Variants in RNF150 observed in about 807,000 individuals in gnomAD.
RNF150 encodes the protein ring finger protein 150.
In RNF150, 24 loss-of-function variants were observed where a neutral mutation model predicts 39.3. The ratio of observed to expected loss-of-function variants is 0.61; its 90% CI spans 0.44 to 0.86. The LOEUF (loss-of-function observed/expected upper bound fraction) is 0.86, where lower values mean the gene tolerates loss of function less well. Among genes scored for constraint, RNF150 ranks in the 40% least tolerant of loss-of-function variants. RNF150 has a pLI of 0.00. For missense variants in RNF150, 502 were observed against 587.8 expected (o/e 0.85, Z 1.51); for synonymous variants, 255 against 227.3 (o/e 1.12, Z -1.10).
At chr4:141,127,114 A>C (rs151037128) in intron 1 of RNF150, among the ~76,000 whole-genome samples, 120 of 152,136 alleles carry the variant, frequency 7.9e-4, no homozygotes, top group African/African-American at 2.8e-3. Flanking sequence ...AGCTCTAAGC[A>C]CAGACCAGCA....
chr4:140,900,635 C>T (rs375042457), intron 6 of RNF150, among the ~76,000 whole-genome samples: 5 of 152,236 alleles, frequency 3.3e-5, no homozygotes, highest in East Asian at 3.9e-4. Flanking sequence ...TCTCAGGCCT[C>T]GACACTACAT....
intron 1 of RNF150, chr4:141,212,721 C>G (rs1369058972): frequency 3.9e-5 from 6 of 152,420 alleles, no homozygotes; most frequent in Non-Finnish European, 2.9e-5. Flanking sequence ...CTGTTCTAGT[C>G]TGTTCTAACA....
At chr4:140,931,913 TTC>T (rs1174850575) in intron 4 of RNF150, among the ~76,000 whole-genome samples, 6 of 152,238 alleles carry the variant, frequency 3.9e-5, no homozygotes, top group Non-Finnish European at 1.5e-5. Flanking sequence ...TTTTCTGCTG[TTC>T]TTTCACCTAT....
chr4:140,983,731 A>T (rs1052752837), intron 1 of RNF150, among the ~76,000 whole-genome samples: 1 of 147,124 alleles, frequency 6.8e-6, no homozygotes, highest in African/African-American at 2.5e-5. Flanking sequence ...TGTATGTTGT[A>T]TAACTGCCTT....
chr4:141,028,570 C>T (rs999019470), intron 1 of RNF150, among the ~76,000 whole-genome samples: 3 of 152,122 alleles, frequency 2.0e-5, no homozygotes, highest in African/African-American at 2.4e-5. Flanking sequence ...GTAGAGAACA[C>T]TGAAAAACAA....
In RNF150 at chr4:140,973,874, TAAAAAAA is replaced by T. The variant is rs566506401; in HGVS notation, c.485-6008_485-6002del. On this transcript the variant is annotated intron_variant, in intron 1 of 6. Transcript: ENST00000515673. ...CCTGGGTGACAAGTGAGACTCTGTTTAAAAAAAAAAAAAAAAAAAAAAAGAAGAGGTA... is the reference window on the plus strand; with the variant it reads ...CCTGGGTGACAAGTGAGACTCTGTTTAAAAAAAAAAAAAAAAGAAGAGGTA... 3.3e-4 allele frequency among the ~76,000 whole-genome samples: 36 copies of T among 110,508 alleles called. 1 individual carries two copies. The South Asian group carries it at 6.6e-3, about 20-fold the overall frequency. 72.5% of individuals were successfully genotyped at this position (110,508 alleles called of 152,430 possible).
At position 140,914,899 on chromosome 4, in the gene RNF150, G is replaced by A. The variant is rs541067871; in HGVS notation, c.988-3545C>T. Among the ~76,000 whole-genome samples the A allele has an allele frequency of 2.0e-5, 3 of 152,180 alleles. No individual in the cohort carries two copies. The East Asian group carries it at 5.8e-4, about 29-fold the overall frequency. ...ACAACATCCTCAGTTTCTGACTTTC[G>A]ATGTATTTGTCTTATACCATGGGTA... is the stretch of plus-strand genomic sequence containing the variant. On this transcript the variant is annotated intron_variant, in intron 5 of 6. Transcript: ENST00000515673.
chr4:141,187,812 CTG>C (rs1174859569), intron 1 of RNF150, among the ~76,000 whole-genome samples: 3 of 152,110 alleles, frequency 2.0e-5, no homozygotes, highest in African/African-American at 7.2e-5. Flanking sequence ...ATTTGCCAGT[CTG>C]TGTCTTTTAA....
chr4:141,033,771 T>C (rs775751530), intron 1 of RNF150, among the ~76,000 whole-genome samples: 31 of 152,206 alleles, frequency 2.0e-4, no homozygotes, highest in Non-Finnish European at 4.6e-4. Flanking sequence ...GCATTGTCAA[T>C]GAGCAATCAT....
At chr4:141,089,546 G>A (rs1045505801) in intron 1 of RNF150, among the ~76,000 whole-genome samples, 21 of 152,276 alleles carry the variant, frequency 1.4e-4, no homozygotes, top group Admixed American at 1.2e-3. Flanking sequence ...GGACTTACAA[G>A]TAGAAAAGAC....
At position 140,865,190 on chromosome 4, in the gene RNF150, A is replaced by G. The variant is rs1236724594; in HGVS notation, c.*3071T>C. 3 of 152,200 alleles carry G rather than the reference A, an allele frequency of 2.0e-5. No homozygotes were observed. The highest frequency in any genetic ancestry group is 4.4e-5 in the Non-Finnish European group (3 of 68,036). 9.4% of individuals were successfully genotyped at this position (152,200 alleles called of 1,614,324 possible). A position where few individuals can be genotyped will look rare whatever the true frequency, so the allele number is the denominator to read the frequency against. On this transcript the variant is annotated 3_prime_UTR_variant, in exon 7 of 7. Transcript: ENST00000515673. Reference sequence around the variant, plus strand: ...CAAAAGCATGTAAAACATGTCATTAATTTACATTAGTGACATGTTGAAACA... The same window carrying G: ...CAAAAGCATGTAAAACATGTCATTAGTTTACATTAGTGACATGTTGAAACA...
chr4:140,929,826 C>A (rs1578978114), intron 4 of RNF150, among the ~76,000 whole-genome samples: 1 of 152,118 alleles, frequency 6.6e-6, no homozygotes, highest in Non-Finnish European at 1.5e-5. Context: ...TCTGGGTGGG[C>A]CTTATGCAAT....
intron 1 of RNF150, among the ~76,000 whole-genome samples, chr4:141,153,939 C>A (rs1186153311): frequency 6.6e-6 from 1 of 152,170 alleles, no homozygotes; most frequent in Non-Finnish European, 1.5e-5. Context: ...GAGATTGAAT[C>A]CCAGATATGC....
intron 1 of RNF150, among the ~76,000 whole-genome samples, chr4:141,021,437 C>G (rs573379162): frequency 6.6e-6 from 1 of 152,266 alleles, no homozygotes; most frequent in East Asian, 1.9e-4. Flanking sequence ...CAAAGTGTTG[C>G]TATCTGCTCA....
chr4:140,965,986 C>A (rs920154812), intron 2 of RNF150, among the ~76,000 whole-genome samples: 5 of 152,008 alleles, frequency 3.3e-5, no homozygotes, highest in African/African-American at 1.2e-4. Flanking sequence ...CTGTATGACT[C>A]CCCAAACACC....
At chr4:140,912,959 T>TAGAAAAAAA (rs1560962313) in intron 5 of RNF150, among the ~76,000 whole-genome samples, 1 of 138,140 alleles carries the variant, frequency 7.2e-6, no homozygotes. Context: ...CATCAGAACA[T>TAGAAAAAAA]AAAAAAAAAA....
intron 1 of RNF150, among the ~76,000 whole-genome samples, chr4:141,085,506 C>G (rs1033297336): frequency 6.6e-6 from 1 of 152,168 alleles, no homozygotes; most frequent in Non-Finnish European, 1.5e-5. Flanking sequence ...GAGTCAGCAC[C>G]AACTGCCTGA....
chr4:140,899,013 T>A (rs899611542), intron 6 of RNF150, among the ~76,000 whole-genome samples: 2 of 152,230 alleles, frequency 1.3e-5, no homozygotes, highest in Non-Finnish European at 2.9e-5. Context: ...GAACATTAGA[T>A]ACGAGACAGT....
chr4:141,190,127 C>T (rs1426580399), intron 1 of RNF150, among the ~76,000 whole-genome samples: 1 of 152,146 alleles, frequency 6.6e-6, no homozygotes, highest in Non-Finnish European at 1.5e-5. Flanking sequence ...GACACCCCAC[C>T]CTGCTCTGCT....
Sources: allele counts gnomAD v4.1 joint callset (sites outside exome capture counted in the v4.1 genomes callset), GRCh38; gene constraint gnomAD v4.1.1; transcripts MANE v1.5; gene names NCBI Gene and HGNC (gene_info 2026-07-23, HGNC 2026-07-21).